The following CASK variants were observed in gnomAD, a reference collection of about 807,000 sequenced individuals.
The protein encoded by CASK is calcium/calmodulin dependent serine protein kinase.
A neutral mutation model predicts 82.9 loss-of-function variants in CASK; 4 were observed. The observed-to-expected ratio is 0.05, with a 90% CI of 0.02 to 0.11. The LOEUF (loss-of-function observed/expected upper bound fraction) is 0.11, where lower values mean the gene tolerates loss of function less well. Among genes scored for constraint, CASK ranks in the 10% least tolerant of loss-of-function variants. The pLI, the probability that CASK is intolerant of heterozygous loss-of-function variation, is 1.00. For missense variants in CASK, 358 were observed against 720.9 expected, an observed-to-expected ratio of 0.50 and a Z score of 5.76; for synonymous variants, 259 against 253.5, an observed-to-expected ratio of 1.02 and a Z score of -0.20.
chrX:41,754,084 G>C (rs928834883), intron 3 of CASK, among the ~76,000 whole-genome samples: 3 of 111,030 alleles, frequency 2.7e-5, no homozygotes, highest in African/African-American at 6.6e-5. Context: ...GAAATTTACT[G>C]CTATAAATGT....
chrX:41,578,572 T>A, intron 14 of CASK, 44 bp from the exon 15 acceptor site: 1 of 917,551 alleles, frequency 1.1e-6, no homozygotes. Flanking sequence ...CATTACTATT[T>A]CAGCAGAAAT....
intron 1 of CASK, chrX:41,919,153 T>G (rs897934383): frequency 2.7e-5 from 3 of 112,339 alleles, no homozygotes; most frequent in Non-Finnish European, 3.8e-5. Flanking sequence ...GAGAAAGATG[T>G]GTAAGAAACA....
At chrX:41,767,330 G>A (rs1046757477) in intron 3 of CASK, among the ~76,000 whole-genome samples, 8 of 111,661 alleles carry the variant, frequency 7.2e-5, no homozygotes, top group East Asian at 2.8e-4. Context: ...CTTGAGATGC[G>A]TGGATTTTAG....
At chrX:41,845,168 G>A (rs1258174901) in intron 2 of CASK, among the ~76,000 whole-genome samples, 2 of 112,142 alleles carry the variant, frequency 1.8e-5, no homozygotes, top group South Asian at 3.6e-4. Flanking sequence ...GTTGAGTGGA[G>A]TGTTCTACAG....
intron 8 of CASK, among the ~76,000 whole-genome samples, chrX:41,652,135 T>C (rs1163501851): frequency 2.7e-5 from 3 of 110,216 alleles, no homozygotes; most frequent in African/African-American, 9.9e-5. Flanking sequence ...TAGGGAAGGG[T>C]CATATAAAGG....
chrX:41,614,945 A>G (rs1276615035), intron 11 of CASK, among the ~76,000 whole-genome samples: 1 of 110,658 alleles, frequency 9.0e-6, no homozygotes, highest in Non-Finnish European at 1.9e-5. Flanking sequence ...CAGCCCCCAG[A>G]GTAGCTGGGA....
chrX:41,616,906 G>A (rs2066209859), intron 11 of CASK, among the ~76,000 whole-genome samples: 1 of 112,460 alleles, frequency 8.9e-6, no homozygotes, highest in South Asian at 3.6e-4. Flanking sequence ...ACAGCGCCTG[G>A]CCCCAAAATC....
intron 2 of CASK, among the ~76,000 whole-genome samples, chrX:41,810,830 G>A (rs1006874061): frequency 5.4e-5 from 6 of 111,650 alleles, no homozygotes; most frequent in African/African-American, 2.0e-4. Flanking sequence ...GCTGTATTCA[G>A]GAGACACATC....
chrX:41,835,280 C>G (rs1478746720), intron 2 of CASK, among the ~76,000 whole-genome samples: 6 of 111,823 alleles, frequency 5.4e-5, no homozygotes, highest in African/African-American at 9.8e-5. Flanking sequence ...TCTTGAACAC[C>G]TGACCTCAGG....
chrX:41,603,761 C>T (rs759214969), intron 12 of CASK, among the ~76,000 whole-genome samples: 8 of 111,889 alleles, frequency 7.1e-5, no homozygotes, highest in Non-Finnish European at 1.9e-5. Context: ...CAAATGCTAA[C>T]AGCTGTTCAG....
At chrX:41,806,900 A>G (rs185928104) in intron 2 of CASK, among the ~76,000 whole-genome samples, 89 of 111,707 alleles carry the variant, frequency 8.0e-4, no homozygotes, top group African/African-American at 2.6e-3. Context: ...GAGGGTGGGA[A>G]CAGGGATAGA....
chrX:41,707,859 T>C (rs1328041068), intron 5 of CASK, among the ~76,000 whole-genome samples: 1 of 111,575 alleles, frequency 9.0e-6, no homozygotes, highest in Non-Finnish European at 1.9e-5. Flanking sequence ...ATGGTTATTA[T>C]AAGCTATCTC....
intron 2 of CASK, among the ~76,000 whole-genome samples, chrX:41,804,227 G>T (rs1294202877): frequency 9.1e-6 from 1 of 110,409 alleles, no homozygotes; most frequent in Admixed American, 9.7e-5. Context: ...GGGCGCCTGT[G>T]GTCCCAGCTG....
At chrX:41,706,719 A>G (rs2067892764) in intron 5 of CASK, among the ~76,000 whole-genome samples, 1 of 111,925 alleles carries the variant, frequency 8.9e-6, no homozygotes, top group Non-Finnish European at 1.9e-5. Context: ...TGGCACGATC[A>G]TAGTTCACTG....
intron 25 of CASK, among the ~76,000 whole-genome samples, chrX:41,528,259 A>G (rs755259955): frequency 8.9e-6 from 1 of 112,533 alleles, no homozygotes; most frequent in Non-Finnish European, 1.9e-5. Flanking sequence ...CAAAATATAC[A>G]GCACTATAAG....
intron 25 of CASK, among the ~76,000 whole-genome samples, chrX:41,526,643 C>T (rs1449748672): frequency 8.9e-6 from 1 of 111,830 alleles, no homozygotes; most frequent in Non-Finnish European, 1.9e-5. Flanking sequence ...CCAAATGCCT[C>T]TTATGTCTAC....
At chrX:41,770,417 T>G (rs1038527657) in intron 3 of CASK, among the ~76,000 whole-genome samples, 1 of 110,344 alleles carries the variant, frequency 9.1e-6, no homozygotes. Flanking sequence ...TGGCTATCTA[T>G]CTATTTTTTG....
intron 1 of CASK, among the ~76,000 whole-genome samples, chrX:41,912,807 T>A (rs975927983): frequency 5.3e-5 from 5 of 93,672 alleles, no homozygotes; most frequent in South Asian, 4.5e-4. Context: ...TATATATATA[T>A]AAAATATATA....
chrX:41,777,927 T>C (rs183778122), intron 3 of CASK, among the ~76,000 whole-genome samples: 1 of 111,914 alleles, frequency 8.9e-6, no homozygotes, highest in East Asian at 2.8e-4. Flanking sequence ...ATGTACAAGA[T>C]ATTAATTATA....
Sources: allele counts gnomAD v4.1 joint callset (sites outside exome capture counted in the v4.1 genomes callset), GRCh38; gene constraint gnomAD v4.1.1; transcripts MANE v1.5; gene names NCBI Gene and HGNC (gene_info 2026-07-23, HGNC 2026-07-21).